Variants in ESX1 observed in about 807,000 individuals in gnomAD.
The protein encoded by ESX1 is homeobox protein ESX1.
A neutral mutation model predicts 13.2 loss-of-function variants in ESX1; 2 were observed. The ratio of observed to expected loss-of-function variants is 0.15; its 90% CI spans 0.06 to 0.48. The LOEUF (loss-of-function observed/expected upper bound fraction) is 0.48, where lower values mean the gene tolerates loss of function less well. Among genes scored for constraint, ESX1 ranks in the 20% least tolerant of loss-of-function variants. The pLI, the probability that ESX1 is intolerant of heterozygous loss-of-function variation, is 0.97. For missense variants in ESX1, 307 were observed against 379.0 expected (o/e 0.81, Z 1.58); for synonymous variants, 157 against 163.1 (o/e 0.96, Z 0.29).
intron 1 of ESX1, 90 bp from the exon 2 acceptor site, chrX:104,254,667 C>A (rs1923285628): frequency 5.3e-6 from 6 of 1,139,391 alleles, no homozygotes; most frequent in Non-Finnish European, 7.2e-6. Context: ...TATGGAAGAG[C>A]AACTGCGACA....
chrX:104,252,944 T>C (rs1274459269), intron 2 of ESX1, 116 bp from the exon 3 acceptor site: 6 of 626,473 alleles, frequency 9.6e-6, no homozygotes, highest in African/African-American at 4.4e-5. Context: ...AGGTCAGGAG[T>C]TGGAGACAAG....
At chrX:104,252,722 A>G in intron 3 of ESX1, 61 bp downstream of exon 3, 1 of 1,082,641 alleles carries the variant, frequency 9.2e-7, no homozygotes, top group Non-Finnish European at 1.3e-6. Flanking sequence ...GTCCAGGACA[A>G]AACCTAAAGC....
rs782739318 is a variant in ESX1 at position 104,250,560 on chromosome X, A to C, written c.889T>G (p.Trp297Gly). The change falls in exon 4 of 4, where the codon TGG becomes GGG. Residue 297 changes from tryptophan to glycine, a missense_variant. By Grantham distance (184) the Trp-to-Gly change is radical. Transcript: ENST00000372588. ...GGTGGCACAGGCGCCATGGGCGGCC[A>C]GGGTGGCACAGGCGCCATGCGTGGC... ...PGPRMAPVPP[W>G]PPMAPVPPWP... The C allele has an allele frequency of 1.3e-4, 145 of 1,121,762 alleles. No homozygotes were observed. The highest frequency in any genetic ancestry group is 4.5e-4 in the African/African-American group (22 of 49,336). The allele number at this position is 1,121,762 out of a possible 1,213,427, so 92.4% of individuals were successfully genotyped here. A position where few individuals can be genotyped will look rare whatever the true frequency, so the allele number is the denominator to read the frequency against.
intron 1 of ESX1, 41 bp downstream of exon 1, chrX:104,254,727 T>C (rs1923289222): frequency 1.7e-6 from 2 of 1,172,711 alleles, no homozygotes; most frequent in Admixed American, 2.2e-5. Flanking sequence ...AATTCCTCTT[T>C]TGGAGTTCGC....
At position 104,250,124 on chromosome X, in the gene ESX1, C is replaced by T; in HGVS notation, c.*104G>A. ...GCATTCGTTAACTTTGTTCACCTAC[C>T]CACTTCATTTAACAAGCATCTAACG... On this transcript the variant is annotated 3_prime_UTR_variant, in exon 4 of 4. Transcript: ENST00000372588. 1.1e-6 allele frequency: 1 copy of T among 919,942 alleles called. No individual in the cohort carries two copies. The highest frequency in any genetic ancestry group is 1.4e-6 in the Non-Finnish European group (1 of 690,172). The allele number at this position is 919,942 out of a possible 1,213,427, so 75.8% of individuals were successfully genotyped here.
At chrX:104,254,012 T>G (rs1923253030) in intron 2 of ESX1, 142 bp downstream of exon 2, 1 of 742,153 alleles carries the variant, frequency 1.3e-6, no homozygotes, top group Admixed American at 3.1e-5. Flanking sequence ...CCCGCCCCAG[T>G]CTTTTACATC....
chrX:104,253,080 T>C (rs1319606267), intron 2 of ESX1, among the ~76,000 whole-genome samples: 5 of 106,492 alleles, frequency 4.7e-5, no homozygotes, highest in Non-Finnish European at 9.7e-5. Flanking sequence ...ACCCGGGAGG[T>C]GGAGGCTGCA....
Position 104,250,182 on chromosome X carries a change from A to G in ESX1, c.*46T>C, listed in dbSNP as rs201413646. On this transcript the variant is annotated 3_prime_UTR_variant, in exon 4 of 4. Coordinates refer to ENST00000372588, the MANE Select transcript of ESX1 (RefSeq NM_153448.4). ...TGATGCTGTGCTGTGCACAATTTCT[A>G]TCTGGCAGGAAAGAACTTTGGAAAA... The G allele has an allele frequency of 2.9e-5, 34 of 1,184,554 alleles. No homozygotes were observed. The Admixed American group carries it at 6.1e-4, about 21-fold the overall frequency.
Position 104,254,842 on chromosome X carries a change from G to A in ESX1, c.8C>T (p.Ser3Phe). 4 of 1,205,970 alleles carry A rather than the reference G, an allele frequency of 3.3e-6. No homozygotes were observed. Among genetic ancestry groups the A allele is most frequent in the Non-Finnish European group, 4.5e-6 (4 of 890,191 alleles). Residue 3 changes from serine to phenylalanine, a missense_variant, in exon 1 of 4, where the codon TCT becomes TTT. Ser to Phe is a radical substitution (Grantham distance 155). Transcript: ENST00000372588. ...ATCACTGTGGGTGTACCCGCGAAGA[G>A]ACTCCATGCTTCAAGCGCTGTCGAT... ME[S>F]LRGYTHSDIG...
At chrX:104,253,351 G>C (rs1923232246) in intron 2 of ESX1, among the ~76,000 whole-genome samples, 1 of 107,249 alleles carries the variant, frequency 9.3e-6, no homozygotes, top group Admixed American at 1.0e-4. Context: ...TTCTGTTTGT[G>C]AAACAGCAGA....
intron 3 of ESX1, among the ~76,000 whole-genome samples, chrX:104,251,264 T>C (rs1011178582): frequency 1.6e-4 from 18 of 112,584 alleles, no homozygotes; most frequent in African/African-American, 5.8e-4. Context: ...ATGAGAACAC[T>C]GTCATTTTTC....
intron 3 of ESX1, among the ~76,000 whole-genome samples, chrX:104,251,631 A>G (rs1349211299): frequency 8.9e-6 from 1 of 111,957 alleles, no homozygotes; most frequent in Non-Finnish European, 1.9e-5. Flanking sequence ...TGATGCAGCT[A>G]TGGTCTTCTG....
chrX:104,251,395 T>G (rs1923181049), intron 3 of ESX1, among the ~76,000 whole-genome samples: 1 of 111,734 alleles, frequency 8.9e-6, no homozygotes, highest in Admixed American at 9.6e-5. Flanking sequence ...TGAGTTTACC[T>G]TGCTTCCCTG....
intron 2 of ESX1, 147 bp downstream of exon 2, chrX:104,254,007 C>G: frequency 1.4e-6 from 1 of 717,994 alleles, no homozygotes; most frequent in Non-Finnish European, 2.1e-6. Context: ...CTAGTCCCGC[C>G]CCAGTCTTTT....
Position 104,250,222 on chromosome X carries a change from C to T in ESX1, c.*6G>A. On this transcript the variant is annotated 3_prime_UTR_variant, in exon 4 of 4. Transcript: ENST00000372588. ...ACTTTGGAAAAACTGTTATGAATAC[C>T]TTACTTTAGAAAAAGGGACATGCAT... is the stretch of plus-strand genomic sequence containing the variant. 1 of 1,206,303 alleles carries T rather than the reference C, an allele frequency of 8.3e-7. No homozygotes were observed. The highest frequency in any genetic ancestry group is 1.1e-6 in the Non-Finnish European group (1 of 892,366).
Position 104,250,069 on chromosome X carries a change from T to C in ESX1, c.*159A>G. ...TAAGTCACATCTTTATTGAAAATACTACAATTATGTGGCCTACAAAAATAA... is the reference window on the plus strand; with the variant it reads ...TAAGTCACATCTTTATTGAAAATACCACAATTATGTGGCCTACAAAAATAA... On this transcript the variant is annotated 3_prime_UTR_variant, in exon 4 of 4. Transcript: ENST00000372588. 1 of 666,663 alleles carries C rather than the reference T, an allele frequency of 1.5e-6. No individual in the cohort carries two copies. The highest frequency in any genetic ancestry group is 2.1e-6 in the Non-Finnish European group (1 of 469,799). 54.9% of individuals were successfully genotyped at this position (666,663 alleles called of 1,213,427 possible). A position where few individuals can be genotyped will look rare whatever the true frequency, so the allele number is the denominator to read the frequency against.
chrX:104,254,489 C>A lies in ESX1; in HGVS notation c.171G>T (p.Ala57=), dbSNP rs781786804. The A allele has an allele frequency of 4.1e-6, 5 of 1,212,125 alleles. No homozygotes were observed. The East Asian group carries it at 1.5e-4, about 36-fold the overall frequency. Residue 57 remains alanine, a synonymous_variant, in exon 2 of 4, where the codon GCG becomes GCT. Coordinates refer to ENST00000372588, the MANE Select transcript of ESX1 (RefSeq NM_153448.4). ...ACCCTTCCGTGCCAACGTTGTTTTC[C>A]GCTTCTGTTCCGTACTCAGGTTTGG... is the stretch of plus-strand genomic sequence containing the variant. The part of the protein sequence containing the change: ...TRSKPEYGTE[A]ENNVGTEGSV...
At chrX:104,252,912 T>G in intron 2 of ESX1, 84 bp from the exon 3 acceptor site, 1 of 904,725 alleles carries the variant, frequency 1.1e-6, no homozygotes, top group Non-Finnish European at 1.6e-6. Flanking sequence ...CTCAGCACTT[T>G]GGGAGGCCGA....
chrX:104,254,010 A>G, intron 2 of ESX1, 144 bp downstream of exon 2: 1 of 723,808 alleles, frequency 1.4e-6, no homozygotes, highest in Non-Finnish European at 2.0e-6. Flanking sequence ...GTCCCGCCCC[A>G]GTCTTTTACA....
Sources: allele counts gnomAD v4.1 joint callset (sites outside exome capture counted in the v4.1 genomes callset), GRCh38; gene constraint gnomAD v4.1.1; transcripts MANE v1.5; gene names NCBI Gene and HGNC (gene_info 2026-07-23, HGNC 2026-07-21).